Variants in EFCAB8 observed in about 807,000 individuals in gnomAD.
The protein encoded by EFCAB8 is EF-hand calcium-binding domain-containing protein 8.
Under a neutral mutation model 116.3 loss-of-function variants are expected in EFCAB8, and 100 were observed. The ratio of observed to expected loss-of-function variants is 0.86; its 90% CI spans 0.73 to 1.02. EFCAB8 has a LOEUF of 1.02. Among genes scored for constraint, EFCAB8 ranks in the 50% least tolerant of loss-of-function variants. EFCAB8 has a pLI of 0.00. For synonymous variants in EFCAB8, 558 were observed against 567.9 expected (o/e 0.98, Z 0.25); for missense variants, 1,320 against 1,416.9 (o/e 0.93, Z 1.10).
intron 13 of EFCAB8, among the ~76,000 whole-genome samples, chr20:32,908,063 G>A (rs1986759662): frequency 6.6e-6 from 1 of 152,198 alleles, no homozygotes; most frequent in Non-Finnish European, 1.5e-5. Context: ...GCTGTGCCCG[G>A]CCCTCACTCA....
At chr20:32,860,775 C>T (rs2146156207) in intron 1 of EFCAB8, among the ~76,000 whole-genome samples, 1 of 152,124 alleles carries the variant, frequency 6.6e-6, no homozygotes, top group South Asian at 2.1e-4. Flanking sequence ...CTCATTCTCT[C>T]ACCCAGGCCC....
At chr20:32,866,391 G>A (rs992381546) in intron 2 of EFCAB8, among the ~76,000 whole-genome samples, 10 of 152,184 alleles carry the variant, frequency 6.6e-5, no homozygotes, top group East Asian at 1.9e-4. Context: ...AATTATCCAC[G>A]TTAGAGTCTT....
chr20:32,923,745 C>T (rs1466842800), intron 20 of EFCAB8, among the ~76,000 whole-genome samples: 2 of 152,158 alleles, frequency 1.3e-5, no homozygotes, highest in East Asian at 3.9e-4. Flanking sequence ...TGACTCCTCA[C>T]GGGCATCTCT....
At chr20:32,883,295 C>G (rs968169056) in intron 5 of EFCAB8, among the ~76,000 whole-genome samples, 3 of 152,194 alleles carry the variant, frequency 2.0e-5, no homozygotes, top group African/African-American at 7.2e-5. Flanking sequence ...GTAGTAAATG[C>G]CCCTCAAGAG....
At chr20:32,875,898 G>A (rs912307645) in intron 3 of EFCAB8, 28 bp from the exon 4 acceptor site, 17 of 1,544,280 alleles carry the variant, frequency 1.1e-5, no homozygotes, top group Non-Finnish European at 1.4e-5. Context: ...TGAGGAAGGG[G>A]ATGATGCTCT....
At chr20:32,863,666 G>C in intron 1 of EFCAB8, 117 bp from the exon 2 acceptor site, 1 of 945,386 alleles carries the variant, frequency 1.1e-6, no homozygotes, top group Non-Finnish European at 1.6e-6. Context: ...GCAAGGGGAA[G>C]CCACCCTCTC....
At position 32,918,453 on chromosome 20, in the gene EFCAB8, A is replaced by G; in HGVS notation, c.2153A>G (p.Lys718Arg). 6.4e-7 allele frequency: 1 copy of G among 1,551,754 alleles called. No homozygotes were observed. Among genetic ancestry groups the G allele is most frequent in the African/African-American group, 1.4e-5 (1 of 73,178 alleles). ...AAGTGGACATACAAGACCTCCAGGA[A>G]GCTCTCCAGTCTCAGCCCCGAGTCT... ...REKWTYKTSRKLSSLSPESVA... is the reference protein window; with the variant it reads ...REKWTYKTSRRLSSLSPESVA... The change falls in exon 19 of 27, where the codon AAG (lysine) becomes AGG (arginine). Residue 718 changes from lysine (K) to arginine (R), a missense_variant. Transcript: ENST00000400522.
chr20:32,930,489 A>G lies in EFCAB8; in HGVS notation c.2504A>G (p.His835Arg), dbSNP rs779276598. The G allele has an allele frequency of 7.7e-6, 12 of 1,551,874 alleles. No individual in the cohort carries two copies. In the East Asian group the frequency reaches 1.5e-4, roughly 19 times the overall value. Residue 835 changes from histidine (H) to arginine (R), a missense_variant, in exon 21 of 27, where the codon CAT (histidine) becomes CGT (arginine). Transcript: ENST00000400522. ...GGCTACATCTACGCCTGGTCCCTCC[A>G]TGAGAATGGAGGCCTGCTGGGGAAG... ...MDGYIYAWSL[H>R]ENGGLLGKFP...
At chr20:32,933,075 T>C (rs567951641) in intron 22 of EFCAB8, among the ~76,000 whole-genome samples, 1 of 152,294 alleles carries the variant, frequency 6.6e-6, no homozygotes, top group South Asian at 2.1e-4. Context: ...ATGCATTCAT[T>C]AATCTCCATA....
rs998266676 is a variant in EFCAB8, at chr20:32,894,252, CTCCAGGGGT to C, written c.883+958_883+966del. 6.6e-5 allele frequency among the ~76,000 whole-genome samples: 10 copies of C among 152,330 alleles called. No individual in the cohort carries two copies. In the East Asian group the frequency reaches 1.4e-3, roughly 21 times the overall value. Reference sequence around the variant, plus strand: ...CCAGCCAGAGTTACTAAGCAGGACACTCCAGGGGTTCCCAGGCCTTGGTAACAGGCCCCT... The same window carrying C: ...CCAGCCAGAGTTACTAAGCAGGACACTCCCAGGCCTTGGTAACAGGCCCCT... On this transcript the variant is annotated intron_variant, in intron 9 of 26. Coordinates refer to ENST00000400522, the MANE Select transcript of EFCAB8 (RefSeq NM_001143967.2).
At chr20:32,861,325 G>C (rs1405278363) in intron 1 of EFCAB8, among the ~76,000 whole-genome samples, 3 of 152,102 alleles carry the variant, frequency 2.0e-5, no homozygotes, top group Admixed American at 6.5e-5. Context: ...TTGCGTTCTT[G>C]TTGCCCAGGC....
intron 19 of EFCAB8, among the ~76,000 whole-genome samples, 187 bp from the exon 20 acceptor site, chr20:32,919,891 T>G (rs1204547892): frequency 6.6e-6 from 1 of 152,164 alleles, no homozygotes; most frequent in Non-Finnish European, 1.5e-5. Flanking sequence ...AATTTTGCTC[T>G]AGCAAAATTG....
At chr20:32,866,532 G>A (rs1984409774) in intron 2 of EFCAB8, among the ~76,000 whole-genome samples, 1 of 151,928 alleles carries the variant, frequency 6.6e-6, no homozygotes, top group Admixed American at 6.6e-5. Context: ...AAGGCTTCTG[G>A]GGGGATTTGG....
Position 32,892,289 on chromosome 20 carries a change from G to A in EFCAB8, c.750G>A (p.Met250Ile), listed in dbSNP as rs1372541116. Reference protein sequence around the residue: ...FVDLDSCALVMDYWSDYHRGV... With the variant: ...FVDLDSCALVIDYWSDYHRGV... Reference sequence around the variant, plus strand: ...ATCTGGACAGCTGTGCTCTGGTCATGGACTACTGGTGAGTCTCCACTGGGT... The same window carrying A: ...ATCTGGACAGCTGTGCTCTGGTCATAGACTACTGGTGAGTCTCCACTGGGT... Residue 250 changes from methionine to isoleucine, a missense_variant, in exon 8 of 27, where the codon ATG becomes ATA. By Grantham distance (10) the Met-to-Ile change is conservative. Coordinates refer to ENST00000400522, the MANE Select transcript of EFCAB8 (RefSeq NM_001143967.2). 1 of 1,551,546 alleles carries A rather than the reference G, an allele frequency of 6.4e-7. No homozygotes were observed. The highest frequency in any genetic ancestry group is 2.4e-5 in the East Asian group (1 of 40,926).
intron 5 of EFCAB8, among the ~76,000 whole-genome samples, chr20:32,883,588 C>G (rs769529805): frequency 7.2e-5 from 11 of 152,126 alleles, no homozygotes; most frequent in Non-Finnish European, 1.5e-4. Flanking sequence ...TCCCATGATA[C>G]AATCAGATAA....
intron 22 of EFCAB8, among the ~76,000 whole-genome samples, chr20:32,939,389 T>C (rs1310429790): frequency 6.9e-6 from 1 of 145,644 alleles, no homozygotes; most frequent in African/African-American, 2.6e-5. Flanking sequence ...TTCAAACGAT[T>C]TTCCTGCCTC....
rs1172425075 is a variant in EFCAB8, at chr20:32,930,605, G to A, written c.2620G>A (p.Gly874Arg). ...GATCCTCATCACGGGGGATTGTAAA[G>A]GATACATCAAGGTGAGGAAGAACTG... ...DWILITGDCK[G>R]YIKIWDIKDY... The change falls in exon 21 of 27, where the codon GGA becomes AGA. Residue 874 changes from glycine to arginine, a missense_variant. Coordinates refer to ENST00000400522, the MANE Select transcript of EFCAB8 (RefSeq NM_001143967.2). The A allele has an allele frequency of 1.3e-6, 2 of 1,552,262 alleles. No individual in the cohort carries two copies. The highest frequency in any genetic ancestry group is 1.4e-5 in the African/African-American group (1 of 73,172).
rs542800401 is a variant in EFCAB8, at chr20:32,858,956, T to G, written c.-61T>G. 2.1e-6 allele frequency: 1 copy of G among 471,076 alleles called. No homozygotes were observed. The highest frequency in any genetic ancestry group is 6.9e-5 in the East Asian group (1 of 14,396). 29.2% of individuals were successfully genotyped at this position (471,076 alleles called of 1,614,324 possible). On this transcript the variant is annotated 5_prime_UTR_variant, in exon 1 of 27. Transcript: ENST00000400522. ...GATGGGAGTTGGAAAGTGTTAGCAC[T>G]TTGCCAGACTTTGCCAGCAAGATTA...
chr20:32,961,671 G>C lies in EFCAB8; in HGVS notation c.*62G>C. ...AACCAGGCCCATGGCGGTCCTGCAT[G>C]TTCTCGGCTTATTCCCTACCAGACC... On this transcript the variant is annotated 3_prime_UTR_variant, in exon 27 of 27. Transcript: ENST00000400522. 9.6e-7 allele frequency: 1 copy of C among 1,037,390 alleles called. No individual in the cohort carries two copies. The highest frequency in any genetic ancestry group is 3.7e-5 in the Admixed American group (1 of 26,814). 64.3% of individuals were successfully genotyped at this position (1,037,390 alleles called of 1,614,324 possible).
Sources: gnomAD v4.1 joint callset for allele counts (sites outside exome capture counted in the v4.1 genomes callset) on GRCh38, gnomAD v4.1.1 for gene constraint, MANE v1.5 for transcripts, NCBI Gene and HGNC (gene_info 2026-07-23, HGNC 2026-07-21) for gene names.